Variants in SPEN observed in about 807,000 individuals in gnomAD.
SPEN encodes the protein spen family transcriptional repressor.
Under a neutral mutation model 269.9 loss-of-function variants are expected in SPEN, and 18 were observed. That is an observed-to-expected ratio of 0.07 (90% CI 0.05 to 0.10). SPEN has a LOEUF of 0.10. Ranked by LOEUF, SPEN falls within the 10% of genes least tolerant of loss-of-function variation. The pLI, the probability that SPEN is intolerant of heterozygous loss-of-function variation, is 1.00. For synonymous variants in SPEN, 1,726 were observed against 1,765.7 expected, an observed-to-expected ratio of 0.98 and a Z score of 0.56; for missense variants, 3,822 against 4,631.2, an observed-to-expected ratio of 0.83 and a Z score of 5.07.
rs762507756 is a variant in SPEN, at chr1:15,935,185, T to A, written c.8945T>A (p.Leu2982His). 3 of 1,613,806 alleles carry A rather than the reference T, an allele frequency of 1.9e-6. No individual in the cohort carries two copies. Among genetic ancestry groups the A allele is most frequent in the Non-Finnish European group, 1.7e-6 (2 of 1,179,942 alleles). Residue 2982 changes from leucine (L) to histidine (H), a missense_variant, in exon 11 of 15, where the codon CTC (leucine) becomes CAC (histidine). By Grantham distance (99) the Leu-to-His change is moderately conservative. Coordinates refer to ENST00000375759, the MANE Select transcript of SPEN (RefSeq NM_015001.3). This position sits in a 1 kb window ranked among gnomAD's most constrained non-coding sequence, Gnocchi z 7.7. ...VLQPANLGST[L>H]TPHHPPALPS... ...CAGCCGGCCAACCTGGGGTCCACGC[T>A]CACGCCCCACCACCCTCCTGCTCTG...
At chr1:15,895,613 A>G (rs2070834255) in intron 3 of SPEN, among the ~76,000 whole-genome samples, 2 of 151,770 alleles carry the variant, frequency 1.3e-5, no homozygotes, top group Admixed American at 1.3e-4. Flanking sequence ...ACCAAAAGAT[A>G]GTAGTAAACT....
At chr1:15,871,915 A>G (rs186780305) in intron 1 of SPEN, among the ~76,000 whole-genome samples, 11 of 152,244 alleles carry the variant, frequency 7.2e-5, no homozygotes, top group Non-Finnish European at 1.6e-4. Flanking sequence ...TTTTTAGACT[A>G]TAAATATTTG....
rs769126178 is a variant in SPEN, at chr1:15,931,870, G to A, written c.5630G>A (p.Arg1877Lys). 1 of 1,614,208 alleles carries A rather than the reference G, an allele frequency of 6.2e-7. No individual in the cohort carries two copies. Among genetic ancestry groups the A allele is most frequent in the South Asian group, 1.1e-5 (1 of 91,082 alleles). Residue 1877 changes from arginine to lysine, a missense_variant, in exon 11 of 15, where the codon AGG (arginine) becomes AAG (lysine). Coordinates refer to ENST00000375759, the MANE Select transcript of SPEN (RefSeq NM_015001.3). This position sits in a 1 kb window ranked among gnomAD's most constrained non-coding sequence, Gnocchi z 4.8. ...AAGATGGAGGCAGAGAAGATTACAA[G>A]GACTGCTTCTAAAAACTCTGCTGCA... The part of the protein sequence containing the change: ...ELKMEAEKIT[R>K]TASKNSAADL...
At chr1:15,879,018 AAAAAAAGAAAAG>A (rs1469992780) in intron 3 of SPEN, among the ~76,000 whole-genome samples, 5 of 150,626 alleles carry the variant, frequency 3.3e-5, no homozygotes, top group Non-Finnish European at 5.9e-5. Context: ...AAAAAAAAAA[AAAAAAAGAAAAG>A]AAAAGAAAAA....
At chr1:15,875,250 G>C (rs2070619155) in intron 2 of SPEN, among the ~76,000 whole-genome samples, 1 of 146,316 alleles carries the variant, frequency 6.8e-6, no homozygotes, top group Non-Finnish European at 1.5e-5. Context: ...TTTTTAGGTT[G>C]ACAGGTATTC....
At chr1:15,915,075 T>G (rs2071045597) in intron 5 of SPEN, among the ~76,000 whole-genome samples, 1 of 151,890 alleles carries the variant, frequency 6.6e-6, no homozygotes. Flanking sequence ...TTCAGCTGAG[T>G]TTTTATGTCT....
chr1:15,919,150 C>T lies in SPEN; in HGVS notation c.1521+99C>T, dbSNP rs569344996. ...TGCATATGCCTTATTATTTAAGATC[C>T]TACTAAGACAGATAACCATAAAAGT... On this transcript the variant is annotated intron_variant, in intron 7 of 14. Coordinates refer to ENST00000375759, the MANE Select transcript of SPEN (RefSeq NM_015001.3). 1.3e-5 allele frequency: 13 copies of T among 1,029,238 alleles called. 1 individual carries two copies. In the South Asian group the frequency reaches 1.9e-4, roughly 15 times the overall value. 63.8% of individuals were successfully genotyped at this position (1,029,238 alleles called of 1,614,324 possible).
At chr1:15,879,025 GAAAAGAAAAGA>G in intron 3 of SPEN, among the ~76,000 whole-genome samples, 1 of 121,790 alleles carries the variant, frequency 8.2e-6, no homozygotes, top group African/African-American at 3.1e-5. Flanking sequence ...AAAAAAAAAA[GAAAAGAAAAGA>G]AAAAAAAGAA....
At chr1:15,865,055 TTTTAA>T (rs1253752988) in intron 1 of SPEN, among the ~76,000 whole-genome samples, 2 of 135,434 alleles carry the variant, frequency 1.5e-5, no homozygotes, top group Non-Finnish European at 3.3e-5. Flanking sequence ...TTAATCTTAA[TTTTAA>T]TTTTTTTTTG....
chr1:15,909,684 T>C (rs949121654), intron 4 of SPEN, among the ~76,000 whole-genome samples: 1 of 152,236 alleles, frequency 6.6e-6, no homozygotes, highest in Non-Finnish European at 1.5e-5. Flanking sequence ...ATATTTTTAA[T>C]TGACAGCTGA....
chr1:15,899,918 TCA>T (rs1318587875), intron 3 of SPEN, among the ~76,000 whole-genome samples: 3 of 152,140 alleles, frequency 2.0e-5, no homozygotes, highest in African/African-American at 7.2e-5. Context: ...CTATCTCGGC[TCA>T]CTGCAACCTC....
chr1:15,923,076 A>G (rs2071134649), intron 10 of SPEN, among the ~76,000 whole-genome samples: 1 of 152,162 alleles, frequency 6.6e-6, no homozygotes. Flanking sequence ...TTAACTTAAA[A>G]AATAAATAAA....
intron 3 of SPEN, among the ~76,000 whole-genome samples, chr1:15,899,250 A>T (rs549252818): frequency 6.6e-6 from 1 of 152,122 alleles, no homozygotes; most frequent in Non-Finnish European, 1.5e-5. Context: ...GGCCCACTGC[A>T]ACCTTGACTT....
At chr1:15,914,780 C>T (rs927607968) in intron 5 of SPEN, among the ~76,000 whole-genome samples, 5 of 152,020 alleles carry the variant, frequency 3.3e-5, no homozygotes, top group African/African-American at 1.2e-4. Context: ...GCCGAGATTG[C>T]TCCGCTGCAC....
chr1:15,911,688 C>T (rs1393262987), intron 5 of SPEN, among the ~76,000 whole-genome samples: 1 of 152,188 alleles, frequency 6.6e-6, no homozygotes, highest in East Asian at 1.9e-4. Flanking sequence ...TGGTTGGGCG[C>T]AGTGGCTCAT....
chr1:15,855,121 TG>T (rs1365827538), intron 1 of SPEN, among the ~76,000 whole-genome samples: 1 of 152,202 alleles, frequency 6.6e-6, no homozygotes, highest in African/African-American at 2.4e-5. Context: ...AAGGAAGATT[TG>T]TGGGAAAATT....
chr1:15,900,365 C>A (rs1005095036), intron 3 of SPEN, among the ~76,000 whole-genome samples: 1 of 152,040 alleles, frequency 6.6e-6, no homozygotes, highest in Non-Finnish European at 1.5e-5. Flanking sequence ...TGAATGGAAT[C>A]GTTTTCATTG....
At chr1:15,887,267 C>G (rs901992950) in intron 3 of SPEN, among the ~76,000 whole-genome samples, 1 of 139,526 alleles carries the variant, frequency 7.2e-6, no homozygotes, top group Non-Finnish European at 1.5e-5. Context: ...TGAGCTGTGC[C>G]TGGCCTGAAT....
chr1:15,916,504 T>C (rs1396788217), intron 6 of SPEN, among the ~76,000 whole-genome samples: 1 of 146,484 alleles, frequency 6.8e-6, no homozygotes, highest in East Asian at 1.9e-4. Flanking sequence ...ATATATTTTC[T>C]TACCTCTTTT....
Sources: allele counts gnomAD v4.1 joint callset (sites outside exome capture counted in the v4.1 genomes callset), GRCh38; gene constraint gnomAD v4.1.1; non-coding constraint Gnocchi (gnomAD v3.1); transcripts MANE v1.5; gene names NCBI Gene and HGNC (gene_info 2026-07-23, HGNC 2026-07-21).